NFIX: variants seen among roughly 807,000 people sequenced by gnomAD.
The protein encoded by NFIX is nuclear factor I X.
A neutral mutation model predicts 53.3 loss-of-function variants in NFIX; 2 were observed. That is an observed-to-expected ratio of 0.04 (90% CI 0.02 to 0.12). NFIX has a LOEUF of 0.12. NFIX is among the 10% of genes least tolerant of loss of function. The pLI, the probability that NFIX is intolerant of heterozygous loss-of-function variation, is 1.00. For missense variants in NFIX, 310 were observed against 674.5 expected (o/e 0.46, Z 5.99); for synonymous variants, 244 against 289.0 (o/e 0.84, Z 1.58).
Position 13,073,374 on chromosome 19 carries a change from GC to G in NFIX, c.623-43del, listed in dbSNP as rs34412184. On this transcript the variant is annotated intron_variant, in intron 3 of 10. Transcript: ENST00000592199. The surrounding 1 kb of genome is among the most constrained non-coding windows in gnomAD (Gnocchi z 4.5). ...GAAGACCTTTGGAAATAGCCAGGCA[GC>G]CCCCTTCTGGCCTTGTCTTGACTCA... The G allele has an allele frequency of 1.3e-6, 2 of 1,487,338 alleles. No individual in the cohort carries two copies. The highest frequency in any genetic ancestry group is 2.8e-5 in the African/African-American group (2 of 72,428). The allele number at this position is 1,487,338 out of a possible 1,614,324, so 92.1% of individuals were successfully genotyped here. A position where few individuals can be genotyped will look rare whatever the true frequency, so the allele number is the denominator to read the frequency against.
rs568425683 is a variant in NFIX, at chr19:13,040,014, G to T, written c.559+14462G>T. 2.1e-3 allele frequency among the ~76,000 whole-genome samples: 320 copies of T among 152,300 alleles called. 1 individual carries two copies. The highest frequency in any genetic ancestry group is 2.9e-3 in the Non-Finnish European group (200 of 68,026). ...ATTATGAGGGGAGAATCCTGACAGA[G>T]GAGGGGCAGTGGAAGCTTCCAGAAT... On this transcript the variant is annotated intron_variant, in intron 2 of 10. Transcript: ENST00000592199. This position sits in a 1 kb window ranked among gnomAD's most constrained non-coding sequence, Gnocchi z 4.2.
intron 2 of NFIX, among the ~76,000 whole-genome samples, chr19:13,055,225 CCCTCCCCACT>C (rs2015584595): frequency 6.6e-6 from 1 of 151,534 alleles, no homozygotes; most frequent in African/African-American, 2.4e-5. Context: ...AACCCTCCCC[CCCTCCCCACT>C]CCTCCCTCCC....
chr19:13,075,724 G>C, intron 6 of NFIX, 53 bp downstream of exon 6: 1 of 1,583,380 alleles, frequency 6.3e-7, no homozygotes. Flanking sequence ...GAGTCTTTTT[G>C]TCCCCTTCTC....
intron 1 of NFIX, among the ~76,000 whole-genome samples, chr19:13,010,025 C>T (rs544820792): frequency 6.6e-6 from 1 of 152,302 alleles, no homozygotes; most frequent in South Asian, 2.1e-4. Flanking sequence ...GGCCCCGCCT[C>T]CACCGCCCCA....
At position 13,078,046 on chromosome 19, in the gene NFIX, A is replaced by G. The variant is rs2017216763; in HGVS notation, c.956-567A>G. 6.6e-6 allele frequency among the ~76,000 whole-genome samples: 1 copy of G among 151,922 alleles called. No individual in the cohort carries two copies. Among genetic ancestry groups the G allele is most frequent in the Admixed American group, 6.5e-5 (1 of 15,268 alleles). On this transcript the variant is annotated intron_variant, in intron 6 of 10. Coordinates refer to ENST00000592199, the MANE Select transcript of NFIX (RefSeq NM_001365902.3). The surrounding 1 kb of genome is among the most constrained non-coding windows in gnomAD (Gnocchi z 4.7). ...GGCCTGAGCAGCCCAAGGACTCTCC[A>G]GGTCCTCTGGCCTCTGTCCCTGCTC... is the stretch of plus-strand genomic sequence containing the variant.
intron 8 of NFIX, among the ~76,000 whole-genome samples, chr19:13,083,398 A>G (rs1247171355): frequency 6.6e-6 from 1 of 152,196 alleles, no homozygotes; most frequent in African/African-American, 2.4e-5. Context: ...GGCCAAGGTT[A>G]GGCCAAGGAG....
chr19:13,035,350 C>A (rs1162114823), intron 2 of NFIX, among the ~76,000 whole-genome samples: 1 of 152,182 alleles, frequency 6.6e-6, no homozygotes, highest in African/African-American at 2.4e-5. Flanking sequence ...TGTAAGCCTG[C>A]CTCCAAGTCC....
rs1183465214 is a variant in NFIX, at chr19:13,090,118, C to T, written c.1403-181C>T. Among the ~76,000 whole-genome samples the T allele has an allele frequency of 6.6e-6, 1 of 152,136 alleles. No individual in the cohort carries two copies. Among genetic ancestry groups the T allele is most frequent in the African/African-American group, 2.4e-5 (1 of 41,424 alleles). On this transcript the variant is annotated intron_variant, in intron 9 of 10. Transcript: ENST00000592199. The surrounding 1 kb of genome is among the most constrained non-coding windows in gnomAD (Gnocchi z 6.6). ...GAGGGTGTCCCTCTGTAGTGGGGGG[C>T]AGGCTCGGAGCCTGGCCTTCAGCTC...
chr19:13,019,929 T>C (rs1487595731), intron 1 of NFIX, among the ~76,000 whole-genome samples: 1 of 149,034 alleles, frequency 6.7e-6, no homozygotes, highest in Admixed American at 6.6e-5. Context: ...TTTCCTTTTT[T>C]CCCCCCTTGT....
chr19:13,047,701 C>G (rs1440351605), intron 2 of NFIX, among the ~76,000 whole-genome samples: 1 of 152,134 alleles, frequency 6.6e-6, no homozygotes, highest in Non-Finnish European at 1.5e-5. Flanking sequence ...GGAGGAGACC[C>G]TTGCTTCCCG....
At chr19:13,075,729 C>T in intron 6 of NFIX, 58 bp downstream of exon 6, 3 of 1,569,454 alleles carry the variant, frequency 1.9e-6, no homozygotes, top group South Asian at 1.2e-5. Context: ...TTTTTGTCCC[C>T]TTCTCAGTTC....
Position 13,073,577 on chromosome 19 carries a change from G to A in NFIX, c.697+81G>A. The A allele has an allele frequency of 2.4e-6, 3 of 1,269,476 alleles. No individual in the cohort carries two copies. The highest frequency in any genetic ancestry group is 2.3e-5 in the East Asian group (1 of 43,232). The allele number at this position is 1,269,476 out of a possible 1,614,324, so 78.6% of individuals were successfully genotyped here. ...ACCTCATGGGATGTCCTCCTAATGG[G>A]GTCTTAGGGCAGGTGGATGGGAACA... On this transcript the variant is annotated intron_variant, in intron 4 of 10. Coordinates refer to ENST00000592199, the MANE Select transcript of NFIX (RefSeq NM_001365902.3). The surrounding 1 kb of genome is among the most constrained non-coding windows in gnomAD (Gnocchi z 4.5).
Position 13,096,667 on chromosome 19 carries a change from A to G in NFIX, c.*2018A>G, listed in dbSNP as rs1179096178. 6.6e-6 allele frequency: 1 copy of G among 152,440 alleles called. No homozygotes were observed. Among genetic ancestry groups the G allele is most frequent in the Non-Finnish European group, 1.5e-5 (1 of 68,018 alleles). 9.4% of individuals were successfully genotyped at this position (152,440 alleles called of 1,614,324 possible). On this transcript the variant is annotated 3_prime_UTR_variant, in exon 11 of 11. Coordinates refer to ENST00000592199, the MANE Select transcript of NFIX (RefSeq NM_001365902.3). ...CAATGATTTTTCAGTTCGGTTGGCT[A>G]AACAGGGTCAGAGCTGAGAGCGAAG...
At position 13,014,896 on chromosome 19, in the gene NFIX, G is replaced by T. The variant is rs1227047531; in HGVS notation, c.28-10125G>T. 6.6e-6 allele frequency among the ~76,000 whole-genome samples: 1 copy of T among 152,236 alleles called. No individual in the cohort carries two copies. The highest frequency in any genetic ancestry group is 1.5e-5 in the Non-Finnish European group (1 of 68,038). On this transcript the variant is annotated intron_variant, in intron 1 of 10. Transcript: ENST00000592199. This position sits in a 1 kb window ranked among gnomAD's most constrained non-coding sequence, Gnocchi z 4.4. ...TAGGGGGCTGGTGGTAGGCGAGGTG[G>T]CTGCGGTGGCCCTTCCGCCAGGTGT... is the stretch of plus-strand genomic sequence containing the variant.
At chr19:13,003,806 T>C (rs1363240721) in intron 1 of NFIX, among the ~76,000 whole-genome samples, 1 of 152,106 alleles carries the variant, frequency 6.6e-6, no homozygotes, top group Admixed American at 6.6e-5. Flanking sequence ...ACCTGGCTAA[T>C]TTTTAAATTT....
intron 2 of NFIX, among the ~76,000 whole-genome samples, chr19:13,038,316 C>T (rs1396261156): frequency 6.6e-6 from 1 of 152,190 alleles, no homozygotes; most frequent in Non-Finnish European, 1.5e-5. Flanking sequence ...CAAAGCCTGC[C>T]TGTTTTCCCT....
chr19:13,086,813 C>T (rs926990558), intron 8 of NFIX, among the ~76,000 whole-genome samples: 1 of 152,136 alleles, frequency 6.6e-6, no homozygotes, highest in Non-Finnish European at 1.5e-5. Flanking sequence ...ACAGGGGAGC[C>T]CCATACACCA....
In NFIX at chr19:13,001,754, G is replaced by A. The variant is rs76165343; in HGVS notation, c.27+5890G>A. 0.087 allele frequency among the ~76,000 whole-genome samples: 13,204 copies of A among 152,188 alleles called. 717 individuals carry two copies. Among genetic ancestry groups the A allele is most frequent in the Non-Finnish European group, 0.12 (8,430 of 67,980 alleles). Reference sequence around the variant, plus strand: ...TCACTGTGGGTCTCACCCCACGGGCGCCTCTCCTGGGCATTCCCTTGGCCT... The same window carrying A: ...TCACTGTGGGTCTCACCCCACGGGCACCTCTCCTGGGCATTCCCTTGGCCT... On this transcript the variant is annotated intron_variant, in intron 1 of 10. Transcript: ENST00000592199. The surrounding 1 kb of genome is among the most constrained non-coding windows in gnomAD (Gnocchi z 6.5).
chr19:13,053,926 T>C (rs1470144425), intron 2 of NFIX, among the ~76,000 whole-genome samples: 1 of 152,096 alleles, frequency 6.6e-6, no homozygotes, highest in African/African-American at 2.4e-5. Flanking sequence ...TCTACCATTC[T>C]GTCCATCCAC....
Sources: gnomAD v4.1 joint callset for allele counts (sites outside exome capture counted in the v4.1 genomes callset) on GRCh38, gnomAD v4.1.1 for gene constraint, Gnocchi (gnomAD v3.1) non-coding constraint, MANE v1.5 for transcripts, NCBI Gene and HGNC (gene_info 2026-07-23, HGNC 2026-07-21) for gene names.